PAK5: variants seen among roughly 807,000 people sequenced by gnomAD.
PAK5 encodes the protein p21 (RAC1) activated kinase 5, also known as serine/threonine-protein kinase PAK 5.
PAK5 carries 16 observed loss-of-function variants against 65.9 expected under a neutral mutation model. The observed-to-expected ratio is 0.24, with a 90% CI of 0.16 to 0.37. The LOEUF is 0.37. PAK5 is among the 10% of genes least tolerant of loss of function. The pLI is 1.00. For missense variants in PAK5, 785 were observed against 903.9 expected (o/e 0.87, Z 1.69); for synonymous variants, 371 against 354.9 (o/e 1.05, Z -0.51).
At chr20:9,542,232 C>G (rs1474035810) in intron 9 of PAK5, among the ~76,000 whole-genome samples, 1 of 152,180 alleles carries the variant, frequency 6.6e-6, no homozygotes, top group African/African-American at 2.4e-5. Flanking sequence ...GTCAGAAAAG[C>G]TGGGGTCATG....
intron 1 of PAK5, among the ~76,000 whole-genome samples, chr20:9,739,128 T>G (rs1017530551): frequency 1.3e-5 from 2 of 152,188 alleles, no homozygotes; most frequent in Non-Finnish European, 2.9e-5. Context: ...TTTACAATAC[T>G]CTGTAATATA....
chr20:9,792,893 G>C (rs2049064740), intron 1 of PAK5, among the ~76,000 whole-genome samples: 1 of 152,072 alleles, frequency 6.6e-6, no homozygotes, highest in African/African-American at 2.4e-5. Flanking sequence ...AAACGTTCTG[G>C]CAGAAAGCGA....
chr20:9,654,407 A>T (rs1209072866), intron 2 of PAK5, among the ~76,000 whole-genome samples: 1 of 152,060 alleles, frequency 6.6e-6, no homozygotes, highest in African/African-American at 2.4e-5. Context: ...AATTCCCCTT[A>T]CAGATTTCAG....
At chr20:9,803,339 T>C (rs1019256662) in intron 1 of PAK5, among the ~76,000 whole-genome samples, 6 of 151,994 alleles carry the variant, frequency 3.9e-5, no homozygotes, top group Admixed American at 6.6e-5. Flanking sequence ...CCAGAAAGCA[T>C]GGAAGGATAA....
chr20:9,739,907 A>G (rs2048432966), intron 1 of PAK5, among the ~76,000 whole-genome samples: 1 of 152,182 alleles, frequency 6.6e-6, no homozygotes, highest in South Asian at 2.1e-4. Flanking sequence ...ACATCGACCC[A>G]TGAAAACACA....
At chr20:9,747,723 A>C (rs1368754643) in intron 1 of PAK5, among the ~76,000 whole-genome samples, 2 of 151,958 alleles carry the variant, frequency 1.3e-5, no homozygotes, top group Non-Finnish European at 2.9e-5. Flanking sequence ...ACCCACAGCC[A>C]ATATCATACT....
chr20:9,691,324 TG>T (rs907940415), intron 2 of PAK5, among the ~76,000 whole-genome samples: 8 of 151,878 alleles, frequency 5.3e-5, no homozygotes, highest in African/African-American at 1.9e-4. Context: ...CAGACGGTGG[TG>T]GGAGAGAGTG....
At chr20:9,773,579 T>C (rs1004875635) in intron 1 of PAK5, among the ~76,000 whole-genome samples, 4 of 152,100 alleles carry the variant, frequency 2.6e-5, no homozygotes, top group African/African-American at 4.8e-5. Flanking sequence ...ATTGACTTGA[T>C]GTGGCTAGGA....
rs150617567 is a variant in PAK5 at position 9,584,055 on chromosome 20, G to A, written c.205-3125C>T. On this transcript the variant is annotated intron_variant, in intron 3 of 9. Transcript: ENST00000353224. ...TTGATGGATTGATTGCCAAAGTAGG[G>A]GATGCTCTGTTGGAGCCTCCCTTAG... is the stretch of plus-strand genomic sequence containing the variant. 4.2e-3 allele frequency among the ~76,000 whole-genome samples: 646 copies of A among 152,162 alleles called. 5 individuals carry two copies. Among genetic ancestry groups the A allele is most frequent in the African/African-American group, 0.015 (619 of 41,510 alleles).
chr20:9,825,669 G>T (rs1234215922), intron 1 of PAK5, among the ~76,000 whole-genome samples: 5 of 152,074 alleles, frequency 3.3e-5, no homozygotes, highest in Admixed American at 2.0e-4. Context: ...GCCTATTTAT[G>T]CAAATGTTTT....
In PAK5 at chr20:9,644,121, A is replaced by C; in HGVS notation, c.204+4T>G. On this transcript the variant is annotated splice_donor_region_variant and intron_variant, in intron 3 of 9. Coordinates refer to ENST00000353224, the MANE Select transcript of PAK5 (RefSeq NM_177990.4). ...CCCAGCCAAAGATGGAGCCCTCACC[A>C]TACCTTCATAGGAGCCAGCTGGATG... 1 of 1,612,152 alleles carries C rather than the reference A, an allele frequency of 6.2e-7. No individual in the cohort carries two copies. Among genetic ancestry groups the C allele is most frequent in the South Asian group, 1.1e-5 (1 of 91,038 alleles).
At chr20:9,805,511 A>G (rs1175065332) in intron 1 of PAK5, among the ~76,000 whole-genome samples, 1 of 152,216 alleles carries the variant, frequency 6.6e-6, no homozygotes, top group Non-Finnish European at 1.5e-5. Context: ...AAGATGTGGT[A>G]TATTCACACA....
chr20:9,766,196 T>G (rs1412276787), intron 1 of PAK5, among the ~76,000 whole-genome samples: 1 of 146,202 alleles, frequency 6.8e-6, no homozygotes, highest in East Asian at 2.1e-4. Flanking sequence ...TACTCCAGCC[T>G]GGCGACAGAG....
In PAK5 at chr20:9,539,493, A is replaced by G. The variant is rs766724193; in HGVS notation, c.2129T>C (p.Val710Ala). ...ATGCCTGTATTGTCTCATGAGGGGGACGATGCAAGACGGTGGACCTGCTAG... is the reference window on the plus strand; with the variant it reads ...ATGCCTGTATTGTCTCATGAGGGGGGCGATGCAAGACGGTGGACCTGCTAG... The part of the protein sequence containing the change: ...LKLAGPPSCI[V>A]PLMRQYRHH The change falls in exon 10 of 10, where the codon GTC (valine) becomes GCC (alanine). Residue 710 changes from valine to alanine, a missense_variant. Physicochemically the swap from Val to Ala is moderately conservative, Grantham distance 64. Transcript: ENST00000353224. The G allele has an allele frequency of 1.2e-5, 20 of 1,613,784 alleles. No individual in the cohort carries two copies. The highest frequency in any genetic ancestry group is 1.6e-5 in the Non-Finnish European group (19 of 1,179,942).
rs1192420812 is a variant in PAK5 at position 9,539,095 on chromosome 20, T to C, written c.*367A>G. On this transcript the variant is annotated 3_prime_UTR_variant, in exon 10 of 10. Transcript: ENST00000353224. Reference sequence around the variant, plus strand: ...TTTTGTTTTCCTTTCTTTCTTTTTTTTTTTTTTTTGCCAGAAAAGTATTCT... The same window carrying C: ...TTTTGTTTTCCTTTCTTTCTTTTTTCTTTTTTTTTGCCAGAAAAGTATTCT... 8.5e-6 allele frequency: 2 copies of C among 235,914 alleles called. No homozygotes were observed. The highest frequency in any genetic ancestry group is 4.4e-5 in the African/African-American group (2 of 45,334). The allele number at this position is 235,914 out of a possible 1,614,324, so 14.6% of individuals were successfully genotyped here.
chr20:9,775,152 A>G (rs1052745926), intron 1 of PAK5, among the ~76,000 whole-genome samples: 17 of 152,206 alleles, frequency 1.1e-4, no homozygotes, highest in African/African-American at 3.9e-4. Flanking sequence ...TTAGAGTGAT[A>G]GAAATGTTCT....
intron 3 of PAK5, among the ~76,000 whole-genome samples, chr20:9,608,222 A>G (rs961932722): frequency 6.6e-6 from 1 of 152,246 alleles, no homozygotes; most frequent in Non-Finnish European, 1.5e-5. Context: ...TTTTGGAGGG[A>G]TACAAGTATT....
intron 1 of PAK5, among the ~76,000 whole-genome samples, chr20:9,799,279 C>T (rs2092382): frequency 0.17 from 26,027 of 152,106 alleles, 3,361 homozygotes; most frequent in African/African-American, 0.34. Flanking sequence ...TACCCAACAA[C>T]TTTTTTCACT....
chr20:9,573,569 T>C (rs1005170941), intron 4 of PAK5, among the ~76,000 whole-genome samples: 2 of 152,200 alleles, frequency 1.3e-5, no homozygotes, highest in East Asian at 1.9e-4. Context: ...AACTGTGAAA[T>C]TGAATTCTGC....
Sources: gnomAD v4.1 joint callset for allele counts (sites outside exome capture counted in the v4.1 genomes callset) on GRCh38, gnomAD v4.1.1 for gene constraint, MANE v1.5 for transcripts, NCBI Gene and HGNC (gene_info 2026-07-23, HGNC 2026-07-21) for gene names.